Variants in DNM1L observed in about 807,000 individuals in gnomAD.
The protein encoded by DNM1L is dynamin 1L, also known as dynamin-1-like protein.
A neutral mutation model predicts 92.8 loss-of-function variants in DNM1L; 33 were observed. That is an observed-to-expected ratio of 0.36 (90% CI 0.27 to 0.48). The LOEUF is 0.48. Ranked by LOEUF, DNM1L falls within the 20% of genes least tolerant of loss-of-function variation. The pLI is 0.99. For missense variants in DNM1L, 485 were observed against 888.8 expected, an observed-to-expected ratio of 0.55 and a Z score of 5.78; for synonymous variants, 284 against 305.0, an observed-to-expected ratio of 0.93 and a Z score of 0.72.
At chr12:32,684,873 A>G (rs1463681440) in intron 1 of DNM1L, among the ~76,000 whole-genome samples, 5 of 151,478 alleles carry the variant, frequency 3.3e-5, no homozygotes, top group Admixed American at 2.6e-4. Context: ...GGTTGTTTCT[A>G]TTTTTTGGCT....
In DNM1L at chr12:32,713,224, C is replaced by T. The variant is rs749775366; in HGVS notation, c.472C>T (p.Gln158Ter). The change falls in exon 6 of 20, where the codon CAA (glutamine) becomes TAA (stop). Residue 158 changes from glutamine to a stop codon, truncating the protein, a stop_gained. Coordinates refer to ENST00000549701, the MANE Select transcript of DNM1L (RefSeq NM_012062.5). LOFTEE classifies it high-confidence loss of function. ...PGMTKVPVGD[Q>*]PKDIELQIRE... ...TTTGGTTTAGGTGCCTGTAGGTGATCAACCTAAGGATATTGAGCTTCAAAT... is the reference window on the plus strand; with the variant it reads ...TTTGGTTTAGGTGCCTGTAGGTGATTAACCTAAGGATATTGAGCTTCAAAT... 1 of 1,613,816 alleles carries T rather than the reference C, an allele frequency of 6.2e-7. No individual in the cohort carries two copies. The highest frequency in any genetic ancestry group is 8.5e-7 in the Non-Finnish European group (1 of 1,179,926).
rs536919772 is a variant in DNM1L, at chr12:32,732,016, A to G, written c.1446+73A>G. The G allele has an allele frequency of 2.9e-5, 31 of 1,074,490 alleles. No homozygotes were observed. In the East Asian group the frequency reaches 6.4e-4, roughly 22 times the overall value. 66.6% of individuals were successfully genotyped at this position (1,074,490 alleles called of 1,614,324 possible). On this transcript the variant is annotated intron_variant, in intron 12 of 19. Coordinates refer to ENST00000549701, the MANE Select transcript of DNM1L (RefSeq NM_012062.5). ...TAAATTTTTGCTTGGCTGCTTTTTA[A>G]TAAGCATTATATGGTTACTTTAGAG...
At chr12:32,740,386 T>C in intron 17 of DNM1L, 23 bp from the exon 18 acceptor site, 1 of 1,611,808 alleles carries the variant, frequency 6.2e-7, no homozygotes, top group Admixed American at 1.7e-5. Context: ...AAGTAATATT[T>C]TTTCCCCCTC....
intron 16 of DNM1L, among the ~76,000 whole-genome samples, chr12:32,739,316 A>G (rs531865577): frequency 6.6e-6 from 1 of 152,300 alleles, no homozygotes; most frequent in Non-Finnish European, 1.5e-5. Flanking sequence ...TTGTTTTTCC[A>G]TTATAAAGTC....
intron 1 of DNM1L, among the ~76,000 whole-genome samples, chr12:32,701,120 C>G (rs1361648613): frequency 2.6e-5 from 4 of 152,028 alleles, no homozygotes; most frequent in Admixed American, 1.3e-4. Flanking sequence ...ACTAAAAATA[C>G]AAAAAATTAG....
At chr12:32,692,603 AGTC>A (rs1351786195) in intron 1 of DNM1L, 2 of 150,646 alleles carry the variant, frequency 1.3e-5, no homozygotes, top group African/African-American at 4.9e-5. Flanking sequence ...AGAACTAACT[AGTC>A]ATCATAAGAA....
At chr12:32,692,021 A>G (rs370630832) in intron 1 of DNM1L, among the ~76,000 whole-genome samples, 30 of 152,310 alleles carry the variant, frequency 2.0e-4, no homozygotes, top group African/African-American at 5.5e-4. Flanking sequence ...TTAGATTCCA[A>G]TCTGTCACAG....
chr12:32,738,405 C>G, intron 16 of DNM1L, 109 bp downstream of exon 16: 1 of 1,222,932 alleles, frequency 8.2e-7, no homozygotes, highest in Non-Finnish European at 1.2e-6. Flanking sequence ...TATCTCTTGT[C>G]TGTGTTATGT....
chr12:32,726,935 C>T, intron 9 of DNM1L: 2 of 711,698 alleles, frequency 2.8e-6, no homozygotes, highest in Non-Finnish European at 5.1e-6. Context: ...AACTCATAGG[C>T]AGGCCAGCAT....
At chr12:32,717,361 ATATAATAT>A (rs1953478089) in intron 6 of DNM1L, among the ~76,000 whole-genome samples, 1 of 73,834 alleles carries the variant, frequency 1.4e-5, no homozygotes, top group Non-Finnish European at 2.5e-5. Flanking sequence ...TATATAGTAT[ATATAATAT>A]ATATACTATA....
Position 32,740,071 on chromosome 12 carries a change from C to G in DNM1L, c.1715C>G (p.Ser572Cys), listed in dbSNP as rs200121892. Residue 572 changes from serine to cysteine, a missense_variant, in exon 17 of 20, where the codon TCT (serine) becomes TGT (cysteine). Physicochemically the swap from Ser to Cys is moderately radical, Grantham distance 112. Transcript: ENST00000549701. ...TGGAACATGTTTTTTCAGGTTGCAT[C>G]TGGAGGTGGTGGGGTTGGAGATGGT... ...DSRRETKNVASGGGGVGDGVQ... is the reference protein window; with the variant it reads ...DSRRETKNVACGGGGVGDGVQ... The G allele has an allele frequency of 1.5e-4, 235 of 1,613,970 alleles. No homozygotes were observed. Among genetic ancestry groups the G allele is most frequent in the Admixed American group, 8.3e-4 (50 of 59,978 alleles).
intron 2 of DNM1L, among the ~76,000 whole-genome samples, chr12:32,704,174 G>GA (rs1565504275): frequency 6.6e-6 from 1 of 151,068 alleles, no homozygotes; most frequent in African/African-American, 2.4e-5. Flanking sequence ...GTAGAAATTT[G>GA]AAAAAAAATG....
chr12:32,701,023 T>G (rs1952677137), intron 1 of DNM1L, among the ~76,000 whole-genome samples: 2 of 152,200 alleles, frequency 1.3e-5, no homozygotes. Flanking sequence ...ACACCTGTAA[T>G]CCCAGCACTG....
intron 1 of DNM1L, among the ~76,000 whole-genome samples, chr12:32,687,638 C>T (rs1025194678): frequency 5.3e-5 from 8 of 151,754 alleles, no homozygotes; most frequent in Admixed American, 1.3e-4. Flanking sequence ...TTAGTAGATA[C>T]GGGGTTTTGC....
At chr12:32,687,603 G>A (rs1952070265) in intron 1 of DNM1L, among the ~76,000 whole-genome samples, 1 of 151,752 alleles carries the variant, frequency 6.6e-6, no homozygotes, top group East Asian at 1.9e-4. Flanking sequence ...CCATCACGCC[G>A]GGCTATTTTT....
chr12:32,725,562 T>TGG (rs1288117919), intron 9 of DNM1L: 1 of 152,226 alleles, frequency 6.6e-6, no homozygotes, highest in Non-Finnish European at 1.5e-5. Flanking sequence ...TTATTGGGTG[T>TGG]GGTCATACTG....
In DNM1L at chr12:32,731,955, T is replaced by G; in HGVS notation, c.1446+12T>G. 2 of 1,595,928 alleles carry G rather than the reference T, an allele frequency of 1.3e-6. No homozygotes were observed. The highest frequency in any genetic ancestry group is 1.7e-6 in the Non-Finnish European group (2 of 1,163,594). ...TTACAAATGAAATGGTGAGCTACTA[T>G]AGCATAGATCATTGTAATTACTATT... On this transcript the variant is annotated intron_variant, in intron 12 of 19. Transcript: ENST00000549701. The surrounding 1 kb of genome is among the most constrained non-coding windows in gnomAD (Gnocchi z 5.1).
At chr12:32,741,898 CT>C (rs1173574226) in intron 18 of DNM1L, among the ~76,000 whole-genome samples, 5 of 152,058 alleles carry the variant, frequency 3.3e-5, no homozygotes, top group Admixed American at 1.3e-4. Context: ...ATGAAATCAC[CT>C]AATAATGCAT....
At chr12:32,723,693 C>CA (rs1172541097) in intron 9 of DNM1L, among the ~76,000 whole-genome samples, 2,273 of 55,216 alleles carry the variant, frequency 0.041, 70 homozygotes, top group East Asian at 0.058. Flanking sequence ...GACTCTGTCT[C>CA]AAAAAAAAAA....
Sources: allele counts gnomAD v4.1 joint callset (sites outside exome capture counted in the v4.1 genomes callset), GRCh38; gene constraint gnomAD v4.1.1; non-coding constraint Gnocchi (gnomAD v3.1); transcripts MANE v1.5; gene names NCBI Gene and HGNC (gene_info 2026-07-23, HGNC 2026-07-21).